Variants in C9orf50 observed in about 807,000 individuals in gnomAD.
C9orf50 encodes the protein chromosome 9 open reading frame 50, also known as uncharacterized protein C9orf50.
In C9orf50, 33 loss-of-function variants were observed where a neutral mutation model predicts 42.5. The observed-to-expected ratio is 0.78, with a 90% CI of 0.59 to 1.04. The LOEUF is 1.04. C9orf50 is among the 50% of genes least tolerant of loss of function. The pLI, the probability that C9orf50 is intolerant of heterozygous loss-of-function variation, is 0.00. For missense variants in C9orf50, 547 were observed against 594.3 expected (o/e 0.92, Z 0.83); for synonymous variants, 257 against 273.4 (o/e 0.94, Z 0.59).
At chr9:129,618,864 TTG>T (rs1830520924) in intron 3 of C9orf50, among the ~76,000 whole-genome samples, 1 of 91,600 alleles carries the variant, frequency 1.1e-5, no homozygotes, top group South Asian at 3.9e-4. Context: ...GGCTAATTTT[TTG>T]TGTTTTTTTT....
At chr9:129,619,892 G>A in intron 1 of C9orf50, 62 bp from the exon 2 acceptor site, 2 of 1,566,222 alleles carry the variant, frequency 1.3e-6, no homozygotes, top group Non-Finnish European at 1.8e-6. Context: ...TAGTCATGTG[G>A]CCTCGGGGTG....
Position 129,620,629 on chromosome 9 carries a change from CG to C in C9orf50, c.-56del. On this transcript the variant is annotated 5_prime_UTR_variant, in exon 1 of 7. An upstream open reading frame in the 5' UTR loses its in-frame stop. Coordinates refer to ENST00000372478, the Ensembl canonical transcript of C9orf50. The surrounding 1 kb of genome is among the most constrained non-coding windows in gnomAD (Gnocchi z 5.8). Reference sequence around the variant, plus strand: ...CTCAGCGCGCGTGGGTGGGGGGCGCCGGCTGAGGTGGGGAGGGCATAGTCCA... The same window carrying C: ...CTCAGCGCGCGTGGGTGGGGGGCGCCGCTGAGGTGGGGAGGGCATAGTCCA... 1 of 1,281,488 alleles carries C rather than the reference CG, an allele frequency of 7.8e-7. No individual in the cohort carries two copies. The highest frequency in any genetic ancestry group is 9.9e-7 in the Non-Finnish European group (1 of 1,013,570). 79.4% of individuals were successfully genotyped at this position (1,281,488 alleles called of 1,614,324 possible).
Position 129,620,169 on chromosome 9 carries a change from G to A in C9orf50, c.406C>T (p.Pro136Ser). The change falls in exon 1 of 7, where the codon CCC (proline) becomes TCC (serine). Residue 136 changes from proline to serine, a missense_variant. By Grantham distance (74) the Pro-to-Ser change is moderately conservative. This residue lies in a region of C9orf50 where 108 missense variants were observed against 172.1 expected (regional missense o/e 0.63). Transcript: ENST00000372478. The surrounding 1 kb of genome is among the most constrained non-coding windows in gnomAD (Gnocchi z 5.8). ...CCTAGGAAGGCGCCCAAGAAGTCGGGGTCCTCCCTGGCCACGCGCCTCCGG... is the reference window on the plus strand; with the variant it reads ...CCTAGGAAGGCGCCCAAGAAGTCGGAGTCCTCCCTGGCCACGCGCCTCCGG... 6.8e-7 allele frequency: 1 copy of A among 1,460,944 alleles called. No individual in the cohort carries two copies. The highest frequency in any genetic ancestry group is 9.1e-7 in the Non-Finnish European group (1 of 1,102,464). 90.5% of individuals were successfully genotyped at this position (1,460,944 alleles called of 1,614,324 possible).
In C9orf50 at chr9:129,613,030, A is replaced by T; in HGVS notation, c.1188+77T>A. ...ACTCCCAGCCCCAGCCACTCCACCAAACAGGGCTGCTCCCGGAGCCAGCTG... is the reference window on the plus strand; with the variant it reads ...ACTCCCAGCCCCAGCCACTCCACCATACAGGGCTGCTCCCGGAGCCAGCTG... On this transcript the variant is annotated intron_variant, in intron 6 of 6. Transcript: ENST00000372478. This position sits in a 1 kb window ranked among gnomAD's most constrained non-coding sequence, Gnocchi z 6.2. 1 of 1,583,252 alleles carries T rather than the reference A, an allele frequency of 6.3e-7. No homozygotes were observed. Among genetic ancestry groups the T allele is most frequent in the Non-Finnish European group, 8.6e-7 (1 of 1,165,778 alleles).
At chr9:129,619,360 G>A (rs1830555881) in intron 3 of C9orf50, among the ~76,000 whole-genome samples, 160 bp downstream of exon 3, 1 of 152,152 alleles carries the variant, frequency 6.6e-6, no homozygotes, top group South Asian at 2.1e-4. Flanking sequence ...ATCTTGAATG[G>A]GTTGGTAGAA....
At position 129,620,685 on chromosome 9, in the gene C9orf50, A is replaced by ACTATG; in HGVS notation, c.-112_-111insCATAG. On this transcript the variant is annotated 5_prime_UTR_variant, in exon 1 of 7. Coordinates refer to ENST00000372478, the Ensembl canonical transcript of C9orf50. The surrounding 1 kb of genome is among the most constrained non-coding windows in gnomAD (Gnocchi z 5.8). ...CAGGCCATAGTGCCCCGGGCGGGGC[A>ACTATG]GCGCGGTGCGGGGTGAACGCCACCG... The ACTATG allele has an allele frequency of 9.5e-7, 1 of 1,054,922 alleles. No individual in the cohort carries two copies. The highest frequency in any genetic ancestry group is 1.2e-6 in the Non-Finnish European group (1 of 826,772). The allele number at this position is 1,054,922 out of a possible 1,614,324, so 65.3% of individuals were successfully genotyped here.
chr9:129,620,085 C>T lies in C9orf50; in HGVS notation c.490G>A (p.Glu164Lys), dbSNP rs1240801459. ...GCCTCACTCAGTGGCTCCGGCTCCT[C>T]GGCGCACTTCTCCTGGAGCTGGTGC... The change falls in exon 1 of 7, where the codon GAG (glutamate) becomes AAG (lysine). Residue 164 changes from glutamate to lysine, a missense_variant. Transcript: ENST00000372478. This position sits in a 1 kb window ranked among gnomAD's most constrained non-coding sequence, Gnocchi z 5.8. 14 of 1,451,592 alleles carry T rather than the reference C, an allele frequency of 9.6e-6. No individual in the cohort carries two copies. The highest frequency in any genetic ancestry group is 1.3e-5 in the Non-Finnish European group (14 of 1,099,728). 89.9% of individuals were successfully genotyped at this position (1,451,592 alleles called of 1,614,324 possible). A position where few individuals can be genotyped will look rare whatever the true frequency, so the allele number is the denominator to read the frequency against.
At chr9:129,619,438 T>C in intron 3 of C9orf50, 82 bp downstream of exon 3, 1 of 989,798 alleles carries the variant, frequency 1.0e-6, no homozygotes, top group African/African-American at 1.6e-5. Context: ...AATGAATACA[T>C]TCATGGGCGA....
rs1830655576 is a variant in C9orf50 at position 129,620,632 on chromosome 9, C to T, written c.-58G>A. 5.5e-6 allele frequency: 7 copies of T among 1,277,336 alleles called. No individual in the cohort carries two copies. In the East Asian group the frequency reaches 2.1e-4, roughly 38 times the overall value. The allele number at this position is 1,277,336 out of a possible 1,614,324, so 79.1% of individuals were successfully genotyped here. A position where few individuals can be genotyped will look rare whatever the true frequency, so the allele number is the denominator to read the frequency against. On this transcript the variant is annotated 5_prime_UTR_variant, in exon 1 of 7. Transcript: ENST00000372478. This position sits in a 1 kb window ranked among gnomAD's most constrained non-coding sequence, Gnocchi z 5.8. ...AGCGCGCGTGGGTGGGGGGCGCCGG[C>T]TGAGGTGGGGAGGGCATAGTCCAGC...
At position 129,620,121 on chromosome 9, in the gene C9orf50, G is replaced by T. The variant is rs1156865376; in HGVS notation, c.454C>A (p.Arg152Ser). The change falls in exon 1 of 7, where the codon CGT (arginine) becomes AGT (serine). Residue 152 changes from arginine (R) to serine (S), a missense_variant. This residue lies in a region of C9orf50 where 108 missense variants were observed against 172.1 expected (regional missense o/e 0.63). Coordinates refer to ENST00000372478, the Ensembl canonical transcript of C9orf50. This position sits in a 1 kb window ranked among gnomAD's most constrained non-coding sequence, Gnocchi z 5.8. The stretch of plus-strand genomic sequence containing the variant: ...TCCTGGAGCTGGTGCAGGAACTCAC[G>T]GAACCTGCTGGGGAGGAGCTCTCCT... The T allele has an allele frequency of 2.1e-6, 3 of 1,454,636 alleles. No individual in the cohort carries two copies. The East Asian group carries it at 7.5e-5, about 36-fold the overall frequency. The allele number at this position is 1,454,636 out of a possible 1,614,324, so 90.1% of individuals were successfully genotyped here.
intron 3 of C9orf50, among the ~76,000 whole-genome samples, chr9:129,616,470 C>G (rs1348536912): frequency 6.6e-6 from 1 of 152,198 alleles, no homozygotes; most frequent in Non-Finnish European, 1.5e-5. Flanking sequence ...CCCCCCTTCG[C>G]CTTCCTAAGT....
rs1473013683 is a variant in C9orf50, at chr9:129,613,743, C to T, written c.881-146G>A. On this transcript the variant is annotated intron_variant, in intron 4 of 6. Transcript: ENST00000372478. This position sits in a 1 kb window ranked among gnomAD's most constrained non-coding sequence, Gnocchi z 6.2. ...GCTCCCCAGCGCCTTCTGGCTGCCT[C>T]CAGAGAAGCCTTGGGTTTTAAAACC... is the stretch of plus-strand genomic sequence containing the variant. 4.0e-6 allele frequency: 4 copies of T among 998,294 alleles called. No individual in the cohort carries two copies. The highest frequency in any genetic ancestry group is 5.8e-6 in the Non-Finnish European group (4 of 686,706). 61.8% of individuals were successfully genotyped at this position (998,294 alleles called of 1,614,324 possible). A position where few individuals can be genotyped will look rare whatever the true frequency, so the allele number is the denominator to read the frequency against.
chr9:129,612,977 A>G, intron 6 of C9orf50, 130 bp downstream of exon 6: 1 of 1,189,414 alleles, frequency 8.4e-7, no homozygotes, highest in East Asian at 2.5e-5. Flanking sequence ...GCAAGCCCCC[A>G]CGGTGACTTG....
At chr9:129,612,381 A>G in exon 7 of C9orf50, 3 of 1,613,888 alleles carry the variant, frequency 1.9e-6, no homozygotes, top group Non-Finnish European at 2.5e-6. Context: ...TGCGGAGGCC[A>G]GGAGGAGATG....
chr9:129,613,076 T>C lies in C9orf50; in HGVS notation c.1188+31A>G. The C allele has an allele frequency of 6.2e-7, 1 of 1,612,764 alleles. No individual in the cohort carries two copies. The highest frequency in any genetic ancestry group is 8.5e-7 in the Non-Finnish European group (1 of 1,179,900). On this transcript the variant is annotated intron_variant, in intron 6 of 6. Coordinates refer to ENST00000372478, the Ensembl canonical transcript of C9orf50. This position sits in a 1 kb window ranked among gnomAD's most constrained non-coding sequence, Gnocchi z 6.2. ...AGCTGCCAGCAGGGGCTCACCAGCT[T>C]CTAGGTCCAGGAGCAAGACCATTTG...
chr9:129,612,273 T>G, exon 7 of C9orf50: 8 of 1,303,888 alleles, frequency 6.1e-6, no homozygotes, highest in Non-Finnish European at 7.6e-6. Flanking sequence ...GGATGTGCCT[T>G]TATTTGTGGG....
At position 129,620,445 on chromosome 9, in the gene C9orf50, G is replaced by A; in HGVS notation, c.130C>T (p.Leu44=). ...CAGTCCCCGGAGCCCCGCGCGCCCA[G>A]AGCCGCTCGGAGCGCGGGCGGGGTC... Residue 44 remains leucine, a synonymous_variant, in exon 1 of 7, where the codon CTG becomes TTG. Transcript: ENST00000372478. The surrounding 1 kb of genome is among the most constrained non-coding windows in gnomAD (Gnocchi z 5.8). The A allele has an allele frequency of 1.5e-6, 2 of 1,308,312 alleles. No homozygotes were observed. The highest frequency in any genetic ancestry group is 4.1e-5 in the South Asian group (2 of 49,014). 81.0% of individuals were successfully genotyped at this position (1,308,312 alleles called of 1,614,324 possible). A position where few individuals can be genotyped will look rare whatever the true frequency, so the allele number is the denominator to read the frequency against.
intron 3 of C9orf50, among the ~76,000 whole-genome samples, chr9:129,618,173 G>A (rs1830486008): frequency 6.6e-6 from 1 of 152,176 alleles, no homozygotes; most frequent in African/African-American, 2.4e-5. Flanking sequence ...CATGGGCAGT[G>A]CCATTCACCC....
chr9:129,614,907 A>G lies in C9orf50; in HGVS notation c.880+577T>C, dbSNP rs1830278295. Among the ~76,000 whole-genome samples, 1 of 152,070 alleles carries G rather than the reference A, an allele frequency of 6.6e-6. No individual in the cohort carries two copies. Among genetic ancestry groups the G allele is most frequent in the Non-Finnish European group, 1.5e-5 (1 of 68,010 alleles). ...ACAGAGTGAGACTCCGTATCAGAAAAAAAAAAAGAAAAAGAAAACTCACTG... is the reference window on the plus strand; with the variant it reads ...ACAGAGTGAGACTCCGTATCAGAAAGAAAAAAAGAAAAAGAAAACTCACTG... On this transcript the variant is annotated intron_variant, in intron 4 of 6. Coordinates refer to ENST00000372478, the Ensembl canonical transcript of C9orf50. The surrounding 1 kb of genome is among the most constrained non-coding windows in gnomAD (Gnocchi z 4.4).
Sources: gnomAD v4.1 joint callset for allele counts (sites outside exome capture counted in the v4.1 genomes callset) on GRCh38, gnomAD v4.1.1 for gene constraint, gnomAD v4.1.1 regional missense constraint, Gnocchi (gnomAD v3.1) non-coding constraint, MANE v1.5 for transcripts, NCBI Gene and HGNC (gene_info 2026-07-23, HGNC 2026-07-21) for gene names.